Variants in PEAK1 observed in about 807,000 individuals in gnomAD.
PEAK1 encodes the protein pseudopodium enriched atypical kinase 1.
PEAK1 carries 54 observed loss-of-function variants against 124.7 expected under a neutral mutation model. The ratio of observed to expected loss-of-function variants is 0.43; its 90% CI spans 0.35 to 0.54. PEAK1 has a LOEUF of 0.54. PEAK1 is among the 20% of genes least tolerant of loss of function. PEAK1 has a pLI of 0.01. For synonymous variants in PEAK1, 719 were observed against 760.0 expected (o/e 0.95, Z 0.89); for missense variants, 2,046 against 2,134.5 (o/e 0.96, Z 0.82).
In PEAK1 at chr15:77,127,398, A is replaced by G. The variant is rs562544029; in HGVS notation, c.4077+5607T>C. Among the ~76,000 whole-genome samples, 8 of 152,342 alleles carry G rather than the reference A, an allele frequency of 5.3e-5. No individual in the cohort carries two copies. In the South Asian group the frequency reaches 6.2e-4, roughly 12 times the overall value. On this transcript the variant is annotated intron_variant, in intron 9 of 9. Transcript: ENST00000682557. ...TAAAAATACTTTAAAAGGTAGAAGC[A>G]GCTTTGGAATTGGGTAGAGGCTAGA...
chr15:77,199,482 C>T (rs1214131355), intron 6 of PEAK1, among the ~76,000 whole-genome samples: 1 of 152,156 alleles, frequency 6.6e-6, no homozygotes, highest in Non-Finnish European at 1.5e-5. Flanking sequence ...ACCATGAAAG[C>T]CTGGAAGGAT....
intron 1 of PEAK1, chr15:77,371,516 CCACCA>C: frequency 1.4e-6 from 1 of 700,982 alleles, no homozygotes; most frequent in Non-Finnish European, 1.8e-6. Flanking sequence ...CATACCACCA[CCACCA>C]CCACCACCAC....
At chr15:77,272,291 C>CA (rs2062078812) in intron 5 of PEAK1, among the ~76,000 whole-genome samples, 1 of 151,708 alleles carries the variant, frequency 6.6e-6, no homozygotes, top group East Asian at 1.9e-4. Context: ...TTCAAACAAA[C>CA]AAAAAAATAC....
chr15:77,251,788 C>T (rs2152925933), intron 6 of PEAK1, among the ~76,000 whole-genome samples: 1 of 152,310 alleles, frequency 6.6e-6, no homozygotes, highest in South Asian at 2.1e-4. Context: ...AAGTTACCGC[C>T]TCTTTCCATG....
chr15:77,350,885 T>TA (rs1225820426), intron 2 of PEAK1: 1 of 985,202 alleles, frequency 1.0e-6, no homozygotes, highest in East Asian at 1.1e-4. Flanking sequence ...TCACCTTGGA[T>TA]ACGCAGGCAT....
rs2067084660 is a variant in PEAK1 at position 77,349,580 on chromosome 15, G to A, written c.-603+15583C>T. On this transcript the variant is annotated intron_variant, in intron 2 of 9. Transcript: ENST00000682557. ...TTAAACCAGATAGGTGGGTTACGGA[G>A]TCACTGAATATATGCTTGAGTATGA... 1.9e-5 allele frequency: 19 copies of A among 984,714 alleles called. No homozygotes were observed. The South Asian group carries it at 7.5e-4, about 39-fold the overall frequency. The allele number at this position is 984,714 out of a possible 1,614,324, so 61.0% of individuals were successfully genotyped here.
At chr15:77,224,295 C>T (rs2059531732) in intron 6 of PEAK1, among the ~76,000 whole-genome samples, 1 of 151,988 alleles carries the variant, frequency 6.6e-6, no homozygotes, top group Non-Finnish European at 1.5e-5. Context: ...GGTTGGTTCA[C>T]ACAGATACTA....
At chr15:77,166,901 A>G (rs574722773) in intron 7 of PEAK1, among the ~76,000 whole-genome samples, 1 of 152,342 alleles carries the variant, frequency 6.6e-6, no homozygotes, top group South Asian at 2.1e-4. Context: ...TATTATGCCA[A>G]TGGCTACCAA....
intron 5 of PEAK1, among the ~76,000 whole-genome samples, chr15:77,272,471 T>C (rs1597043828): frequency 6.6e-6 from 1 of 152,238 alleles, no homozygotes; most frequent in Non-Finnish European, 1.5e-5. Flanking sequence ...CATTCAAGGC[T>C]ACTATGAACA....
intron 1 of PEAK1, chr15:77,404,660 C>T (rs1051313164): frequency 2.0e-5 from 19 of 953,018 alleles, no homozygotes; most frequent in Admixed American, 1.2e-4. Flanking sequence ...ACATATTCTT[C>T]GAGACTATAA....
At chr15:77,329,147 C>A (rs1292942910) in intron 2 of PEAK1, among the ~76,000 whole-genome samples, 1 of 152,026 alleles carries the variant, frequency 6.6e-6, no homozygotes, top group African/African-American at 2.4e-5. Flanking sequence ...GTTTATAGAA[C>A]AAGTCCCACT....
chr15:77,236,503 T>C (rs1406535501), intron 6 of PEAK1, among the ~76,000 whole-genome samples: 1 of 152,212 alleles, frequency 6.6e-6, no homozygotes, highest in East Asian at 1.9e-4. Flanking sequence ...TTCCCTCCAT[T>C]GTAACTTGGA....
At chr15:77,267,758 T>A (rs961328715) in intron 5 of PEAK1, among the ~76,000 whole-genome samples, 1 of 152,002 alleles carries the variant, frequency 6.6e-6, no homozygotes, top group Non-Finnish European at 1.5e-5. Flanking sequence ...TATACCCGAA[T>A]AAGAAGGAAC....
chr15:77,368,531 A>G (rs1343715601), intron 1 of PEAK1, among the ~76,000 whole-genome samples: 2 of 151,624 alleles, frequency 1.3e-5, no homozygotes, highest in Non-Finnish European at 2.9e-5. Context: ...AAAAAAAAAG[A>G]GTTAAAAGTT....
In PEAK1 at chr15:77,228,914, A is replaced by T. The variant is rs114863177; in HGVS notation, c.-115+23453T>A. On this transcript the variant is annotated intron_variant, in intron 6 of 9. Transcript: ENST00000682557. ...TCCTTCATTTGACAGTCTGAACAGC[A>T]TTACTCTCCTCTAGAAGACTTAGTT... Among the ~76,000 whole-genome samples the T allele has an allele frequency of 7.3e-3, 1,114 of 152,268 alleles. 15 individuals are homozygous for T. Among genetic ancestry groups the T allele is most frequent in the African/African-American group, 0.025 (1,058 of 41,554 alleles).
intron 3 of PEAK1, among the ~76,000 whole-genome samples, chr15:77,285,787 G>C (rs1031331320): frequency 1.6e-4 from 24 of 151,754 alleles, no homozygotes; most frequent in African/African-American, 5.6e-4. Flanking sequence ...CTATTTTGCT[G>C]ATCTTTTCAA....
chr15:77,303,053 A>C (rs2063875462), intron 2 of PEAK1, among the ~76,000 whole-genome samples: 1 of 152,132 alleles, frequency 6.6e-6, no homozygotes. Flanking sequence ...CTAACTTGGC[A>C]ATGTGCATTT....
At chr15:77,233,193 T>C (rs1361115629) in intron 6 of PEAK1, among the ~76,000 whole-genome samples, 1 of 152,188 alleles carries the variant, frequency 6.6e-6, no homozygotes, top group African/African-American at 2.4e-5. Context: ...ATTTCTCCAT[T>C]ACCTTCTAAA....
chr15:77,266,386 C>A (rs898150854), intron 5 of PEAK1, among the ~76,000 whole-genome samples: 2 of 152,104 alleles, frequency 1.3e-5, no homozygotes, highest in Admixed American at 1.3e-4. Context: ...ACTCCCAACT[C>A]GGCCCAGAAC....
Sources: gnomAD v4.1 joint callset for allele counts (sites outside exome capture counted in the v4.1 genomes callset) on GRCh38, gnomAD v4.1.1 for gene constraint, MANE v1.5 for transcripts, NCBI Gene and HGNC (gene_info 2026-07-23, HGNC 2026-07-21) for gene names.